GULP1: variants seen among roughly 807,000 people sequenced by gnomAD.
GULP1 encodes the protein GULP PTB domain containing engulfment adaptor 1, also known as PTB domain-containing engulfment adapter protein 1.
In GULP1, 19 loss-of-function variants were observed where a neutral mutation model predicts 40.9. The ratio of observed to expected loss-of-function variants is 0.46; its 90% CI spans 0.32 to 0.68. GULP1 has a LOEUF of 0.68. Ranked by LOEUF, GULP1 falls within the 30% of genes least tolerant of loss-of-function variation. The pLI is 0.03. For missense variants in GULP1, 312 were observed against 362.2 expected, an observed-to-expected ratio of 0.86 and a Z score of 1.12; for synonymous variants, 119 against 117.6, an observed-to-expected ratio of 1.01 and a Z score of -0.08.
intron 2 of GULP1, among the ~76,000 whole-genome samples, chr2:188,456,757 A>C (rs757622300): frequency 2.0e-5 from 3 of 152,142 alleles, no homozygotes; most frequent in Non-Finnish European, 4.4e-5. Context: ...ATATCTGCTG[A>C]GAGCTTGTAC....
intron 1 of GULP1, among the ~76,000 whole-genome samples, chr2:188,314,272 G>GT (rs1553518224): frequency 6.6e-6 from 1 of 152,144 alleles, no homozygotes; most frequent in Non-Finnish European, 1.5e-5. Flanking sequence ...TAGTAGTACA[G>GT]TAGGGGAATT....
intron 5 of GULP1, 42 bp from the exon 6 acceptor site, chr2:188,529,055 A>G (rs1355517877): frequency 1.1e-6 from 1 of 871,054 alleles, no homozygotes. Context: ...CATTCTTTAT[A>G]GAAATAGAAG....
At chr2:188,308,574 G>C (rs756106671) in intron 1 of GULP1, among the ~76,000 whole-genome samples, 2 of 152,122 alleles carry the variant, frequency 1.3e-5, no homozygotes, top group African/African-American at 4.8e-5. Context: ...ACTTCTCCAA[G>C]TTCTGAACTT....
Position 188,584,417 on chromosome 2 carries a change from A to G in GULP1, c.748+14A>G. ...CTACTGAGATTAGTAAGCTTTCTCA[A>G]CAAATCAAAGTTTCTTGTTATAGTT... On this transcript the variant is annotated intron_variant, in intron 10 of 11. Coordinates refer to ENST00000409830, the MANE Select transcript of GULP1 (RefSeq NM_016315.4). 1.3e-6 allele frequency: 2 copies of G among 1,522,056 alleles called. No homozygotes were observed. The highest frequency in any genetic ancestry group is 1.7e-4 in the Middle Eastern group (1 of 5,776). The allele number at this position is 1,522,056 out of a possible 1,614,324, so 94.3% of individuals were successfully genotyped here.
chr2:188,319,694 C>T (rs1331225470), intron 1 of GULP1, among the ~76,000 whole-genome samples: 4 of 152,064 alleles, frequency 2.6e-5, no homozygotes, highest in African/African-American at 9.7e-5. Flanking sequence ...CCAAGTTTGC[C>T]TACAGTCCTT....
intron 2 of GULP1, among the ~76,000 whole-genome samples, chr2:188,419,899 A>G (rs998761813): frequency 5.3e-5 from 8 of 152,140 alleles, no homozygotes; most frequent in Non-Finnish European, 1.2e-4. Flanking sequence ...TAAGGGTACA[A>G]TGTCACTTTT....
chr2:188,546,483 A>C (rs543013563), intron 7 of GULP1, among the ~76,000 whole-genome samples: 8 of 152,220 alleles, frequency 5.3e-5, no homozygotes, highest in African/African-American at 1.7e-4. Context: ...TTAAATAGCG[A>C]TTCACAAATG....
At chr2:188,585,450 C>T (rs1340044009) in intron 10 of GULP1, among the ~76,000 whole-genome samples, 2 of 152,210 alleles carry the variant, frequency 1.3e-5, no homozygotes, top group Non-Finnish European at 2.9e-5. Flanking sequence ...CTGCTCCTGC[C>T]ACAGACTTCT....
chr2:188,422,468 ACCCC>A (rs1235380530), intron 2 of GULP1, among the ~76,000 whole-genome samples: 2 of 150,800 alleles, frequency 1.3e-5, no homozygotes, highest in African/African-American at 2.4e-5. Flanking sequence ...CTTCCCCTTA[ACCCC>A]CTCCTTTACT....
chr2:188,343,711 T>C (rs1055042474), intron 1 of GULP1, among the ~76,000 whole-genome samples: 1 of 152,210 alleles, frequency 6.6e-6, no homozygotes. Context: ...CATTATTTCC[T>C]CAAAGGGTAG....
chr2:188,430,633 T>G (rs1304000789), intron 2 of GULP1, among the ~76,000 whole-genome samples: 2 of 152,218 alleles, frequency 1.3e-5, no homozygotes, highest in African/African-American at 2.4e-5. Context: ...ATAAAAGTTT[T>G]TGGCCTTCTG....
At chr2:188,566,221 T>C (rs1437803882) in intron 7 of GULP1, among the ~76,000 whole-genome samples, 3 of 152,122 alleles carry the variant, frequency 2.0e-5, no homozygotes, top group Non-Finnish European at 2.9e-5. Context: ...AGTTTCTCCA[T>C]TCACTAGCTT....
At chr2:188,351,639 A>G (rs2044461135) in intron 1 of GULP1, among the ~76,000 whole-genome samples, 1 of 152,190 alleles carries the variant, frequency 6.6e-6, no homozygotes, top group Non-Finnish European at 1.5e-5. Context: ...CTATATTTAT[A>G]TTAAAAATTT....
intron 2 of GULP1, among the ~76,000 whole-genome samples, chr2:188,384,999 G>A (rs926094029): frequency 6.6e-6 from 1 of 152,150 alleles, no homozygotes; most frequent in African/African-American, 2.4e-5. Flanking sequence ...GGTGCAGGGT[G>A]CAAGTTGTTG....
chr2:188,580,195 A>C (rs1700970143), intron 9 of GULP1, among the ~76,000 whole-genome samples: 1 of 152,224 alleles, frequency 6.6e-6, no homozygotes, highest in Non-Finnish European at 1.5e-5. Context: ...GTTATATCGA[A>C]CAAAAACAGA....
At chr2:188,309,756 C>A (rs34000922) in intron 1 of GULP1, among the ~76,000 whole-genome samples, 1 of 152,006 alleles carries the variant, frequency 6.6e-6, no homozygotes, top group Non-Finnish European at 1.5e-5. Context: ...TTTGTAAATA[C>A]GGGAGAGCCA....
intron 2 of GULP1, among the ~76,000 whole-genome samples, chr2:188,476,995 T>A (rs937082250): frequency 1.3e-5 from 2 of 152,118 alleles, no homozygotes; most frequent in Admixed American, 1.3e-4. Context: ...CTGAATTTGA[T>A]GTGTAACCCT....
intron 4 of GULP1, among the ~76,000 whole-genome samples, chr2:188,520,861 G>C (rs1055518592): frequency 3.9e-5 from 6 of 151,952 alleles, no homozygotes; most frequent in African/African-American, 1.4e-4. Flanking sequence ...CAACGCTCTA[G>C]GTAATTTTCA....
intron 2 of GULP1, among the ~76,000 whole-genome samples, chr2:188,449,677 CTAATGGGAAAGATTG>C (rs2058681210): frequency 6.6e-6 from 1 of 152,130 alleles, no homozygotes; most frequent in Non-Finnish European, 1.5e-5. Flanking sequence ...TACATTTCTG[CTAATGGGAAAGATTG>C]TAAAGAATTC....
Sources: gnomAD v4.1 joint callset for allele counts (sites outside exome capture counted in the v4.1 genomes callset) on GRCh38, gnomAD v4.1.1 for gene constraint, MANE v1.5 for transcripts, NCBI Gene and HGNC (gene_info 2026-07-23, HGNC 2026-07-21) for gene names.